CAST: variants seen among roughly 807,000 people sequenced by gnomAD.
The protein encoded by CAST is calpastatin, also known as MIR583 host.
A neutral mutation model predicts 119.6 loss-of-function variants in CAST; 76 were observed. The observed-to-expected ratio is 0.64, with a 90% CI of 0.53 to 0.77. The LOEUF is 0.77. CAST is among the 30% of genes least tolerant of loss of function. CAST has a pLI of 0.00. For synonymous variants in CAST, 319 were observed against 331.6 expected (o/e 0.96, Z 0.41); for missense variants, 953 against 946.5 (o/e 1.01, Z -0.09).
At chr5:96,625,279 C>T (rs944188838) in intron 1 of CAST, among the ~76,000 whole-genome samples, 3 of 151,914 alleles carry the variant, frequency 2.0e-5, no homozygotes, top group African/African-American at 4.8e-5. Context: ...TTTCTCTCTC[C>T]CTCTCTCTGT....
intron 3 of CAST, among the ~76,000 whole-genome samples, chr5:96,707,863 G>A (rs1181636685): frequency 4.6e-5 from 7 of 150,926 alleles, no homozygotes; most frequent in Non-Finnish European, 1.0e-4. Context: ...CAGAGTTGCC[G>A]GGGAAAGTGT....
rs138996194 is a variant in CAST, at chr5:96,686,145, G to C, written c.139-9691G>C. ...TTCTTCCCACTTCTCCCAGGACCTT[G>C]TCCTTTAGATCTTTTGATTATTCCT... is the stretch of plus-strand genomic sequence containing the variant. On this transcript the variant is annotated intron_variant, in intron 2 of 31. Coordinates refer to ENST00000675179, the MANE Select transcript of CAST (RefSeq NM_001750.7). Among the ~76,000 whole-genome samples the C allele has an allele frequency of 2.0e-5, 3 of 148,316 alleles. No individual in the cohort carries two copies. The East Asian group carries it at 6.2e-4, about 30-fold the overall frequency.
intron 1 of CAST, among the ~76,000 whole-genome samples, chr5:96,629,497 G>C (rs1271641854): frequency 6.6e-6 from 1 of 152,168 alleles, no homozygotes; most frequent in African/African-American, 2.4e-5. Flanking sequence ...TCCATTCGCA[G>C]GTATTAATTC....
chr5:96,001,022 T>G, the CAST span, among the ~76,000 whole-genome samples: 1 of 152,124 alleles, frequency 6.6e-6, no homozygotes, highest in African/African-American at 2.4e-5. Context: ...TTCAAGAAAC[T>G]TAGAGTTGGG....
At chr5:96,567,358 G>A (rs1746486083) in intron 1 of CAST, among the ~76,000 whole-genome samples, 1 of 152,072 alleles carries the variant, frequency 6.6e-6, no homozygotes, top group African/African-American at 2.4e-5. Flanking sequence ...ATCTATCCAT[G>A]CATATTTCCT....
At chr5:96,347,395 C>T in the CAST span, among the ~76,000 whole-genome samples, 1 of 152,164 alleles carries the variant, frequency 6.6e-6, no homozygotes, top group African/African-American at 2.4e-5. Context: ...CGTGCTTATC[C>T]TTCCTTCAAG....
At chr5:96,230,764 A>G in the CAST span, among the ~76,000 whole-genome samples, 1 of 152,282 alleles carries the variant, frequency 6.6e-6, no homozygotes, top group East Asian at 1.9e-4. Context: ...ATGGGCTTGT[A>G]TCCAACCCAT....
At chr5:95,968,827 C>T in the CAST span, among the ~76,000 whole-genome samples, 2 of 152,092 alleles carry the variant, frequency 1.3e-5, no homozygotes, top group South Asian at 4.2e-4. Flanking sequence ...ACCAATATGA[C>T]CCTTATAGGT....
intron 1 of CAST, among the ~76,000 whole-genome samples, chr5:96,599,808 G>C (rs1018886483): frequency 2.0e-5 from 3 of 151,920 alleles, no homozygotes; most frequent in African/African-American, 4.8e-5. Context: ...TAGTAATTGG[G>C]TCCAGGTACA....
At chr5:96,663,278 G>A (rs1360939290) in intron 1 of CAST, 3 of 699,582 alleles carry the variant, frequency 4.3e-6, no homozygotes, top group Admixed American at 2.0e-5. Flanking sequence ...GGGGTTTGGC[G>A]GGGAAGGGGT....
chr5:96,662,322 T>TC, upstream of CAST: 3 of 567,036 alleles, frequency 5.3e-6, no homozygotes, highest in African/African-American at 2.4e-5. Flanking sequence ...GGCCCTCCGC[T>TC]CCCTCCCTCC....
Position 96,706,791 on chromosome 5 carries a change from T to C in CAST, c.210+10884T>C, listed in dbSNP as rs1023240031. Among the ~76,000 whole-genome samples, 4 of 152,228 alleles carry C rather than the reference T, an allele frequency of 2.6e-5. No homozygotes were observed. In the South Asian group the frequency reaches 8.3e-4, roughly 32 times the overall value. On this transcript the variant is annotated intron_variant, in intron 3 of 31. Transcript: ENST00000675179. ...TGCTGTTTTGTGGAACTGAGAGTTCTGGTTAATTCTAGGACATTCTGATAA... is the reference window on the plus strand; with the variant it reads ...TGCTGTTTTGTGGAACTGAGAGTTCCGGTTAATTCTAGGACATTCTGATAA...
the CAST span, among the ~76,000 whole-genome samples, chr5:96,019,606 A>C: frequency 6.6e-6 from 1 of 152,152 alleles, no homozygotes; most frequent in Non-Finnish European, 1.5e-5. Context: ...CTGAAAAAAA[A>C]TTCATCTGCT....
At chr5:96,219,977 C>A in the CAST span, among the ~76,000 whole-genome samples, 2 of 152,276 alleles carry the variant, frequency 1.3e-5, no homozygotes, top group African/African-American at 4.8e-5. Context: ...ATGTCTGAAG[C>A]TGATGCTGTA....
the CAST span, among the ~76,000 whole-genome samples, chr5:96,065,978 G>A: frequency 6.6e-6 from 1 of 152,272 alleles, no homozygotes; most frequent in South Asian, 2.1e-4. Flanking sequence ...GGGGCAGAGA[G>A]AGCACCTCCT....
the CAST span, among the ~76,000 whole-genome samples, chr5:96,347,022 A>G: frequency 6.6e-6 from 1 of 152,158 alleles, no homozygotes; most frequent in African/African-American, 2.4e-5. Context: ...CATACTGGGC[A>G]TCTTTCAGAC....
At chr5:95,969,511 G>A in the CAST span, among the ~76,000 whole-genome samples, 1 of 152,066 alleles carries the variant, frequency 6.6e-6, no homozygotes, top group Non-Finnish European at 1.5e-5. Flanking sequence ...ACTACAAGTG[G>A]AGGGGGAGTG....
At chr5:96,348,183 G>A in the CAST span, among the ~76,000 whole-genome samples, 1 of 152,030 alleles carries the variant, frequency 6.6e-6, no homozygotes, top group African/African-American at 2.4e-5. Context: ...GGGCCCAGGA[G>A]CCAGATTTAG....
chr5:96,142,110 ATTCCTTT>A, the CAST span, among the ~76,000 whole-genome samples: 1 of 152,204 alleles, frequency 6.6e-6, no homozygotes, highest in Non-Finnish European at 1.5e-5. Flanking sequence ...GCTATATCAT[ATTCCTTT>A]TAAAATTTGA....
Sources: gnomAD v4.1 joint callset for allele counts (sites outside exome capture counted in the v4.1 genomes callset) on GRCh38, gnomAD v4.1.1 for gene constraint, MANE v1.5 for transcripts, NCBI Gene and HGNC (gene_info 2026-07-23, HGNC 2026-07-21) for gene names.